CORIN: variants seen among roughly 807,000 people sequenced by gnomAD.
The protein encoded by CORIN is corin, serine peptidase, also known as atrial natriuretic peptide-converting enzyme.
Under a neutral mutation model 125.3 loss-of-function variants are expected in CORIN, and 117 were observed. The ratio of observed to expected loss-of-function variants is 0.93; its 90% CI spans 0.80 to 1.09. The LOEUF (loss-of-function observed/expected upper bound fraction) is 1.09. Ranked by LOEUF, CORIN falls within the 50% of genes least tolerant of loss-of-function variation. The pLI, the probability that CORIN is intolerant of heterozygous loss-of-function variation, is 0.00. For synonymous variants in CORIN, 450 were observed against 466.4 expected (o/e 0.96, Z 0.45); for missense variants, 1,253 against 1,306.7 (o/e 0.96, Z 0.63).
chr4:47,752,557 A>G (rs1728949844), intron 4 of CORIN, among the ~76,000 whole-genome samples: 1 of 152,168 alleles, frequency 6.6e-6, no homozygotes, highest in African/African-American at 2.4e-5. Context: ...TACATGCACT[A>G]TTCAACATTT....
At chr4:47,802,526 C>A (rs1731589582) in intron 2 of CORIN, among the ~76,000 whole-genome samples, 1 of 152,104 alleles carries the variant, frequency 6.6e-6, no homozygotes, top group Admixed American at 6.5e-5. Context: ...GACTCCTTGG[C>A]CAATGGAAAT....
intron 12 of CORIN, among the ~76,000 whole-genome samples, chr4:47,657,209 T>C (rs1724024762): frequency 1.3e-5 from 2 of 152,100 alleles, no homozygotes; most frequent in Admixed American, 1.3e-4. Context: ...ATATTATGTG[T>C]ATTAGGCCAT....
intron 16 of CORIN, among the ~76,000 whole-genome samples, chr4:47,640,074 G>A (rs1723177040): frequency 6.6e-6 from 1 of 152,052 alleles, no homozygotes; most frequent in African/African-American, 2.4e-5. Context: ...TAGTCCTTCT[G>A]TGAAATAAAA....
intron 5 of CORIN, among the ~76,000 whole-genome samples, chr4:47,740,231 C>T (rs1228859305): frequency 6.6e-6 from 1 of 151,818 alleles, no homozygotes; most frequent in African/African-American, 2.4e-5. Context: ...TTTTTAGGTG[C>T]CTATGTGTTT....
At chr4:47,729,563 T>C (rs929054061) in intron 5 of CORIN, among the ~76,000 whole-genome samples, 4 of 152,088 alleles carry the variant, frequency 2.6e-5, no homozygotes, top group Admixed American at 2.0e-4. Context: ...CCAGATAATG[T>C]AGAGTGGGAT....
At chr4:47,764,645 A>T (rs1729624493) in intron 3 of CORIN, among the ~76,000 whole-genome samples, 1 of 152,220 alleles carries the variant, frequency 6.6e-6, no homozygotes, top group Admixed American at 6.5e-5. Context: ...CATAGCCATT[A>T]TGTAGAAATT....
chr4:47,684,002 T>C (rs1725404598), intron 6 of CORIN, among the ~76,000 whole-genome samples, 164 bp from the exon 7 acceptor site: 1 of 152,238 alleles, frequency 6.6e-6, no homozygotes, highest in Non-Finnish European at 1.5e-5. Context: ...TACAACGACC[T>C]GTTCAAGGCC....
At chr4:47,606,935 C>T (rs1472675784) in intron 19 of CORIN, among the ~76,000 whole-genome samples, 3 of 152,144 alleles carry the variant, frequency 2.0e-5, no homozygotes, top group Non-Finnish European at 2.9e-5. Context: ...CCTTGAATAG[C>T]GTTACTAAGT....
At chr4:47,750,009 C>G (rs545365903) in intron 4 of CORIN, among the ~76,000 whole-genome samples, 1 of 152,300 alleles carries the variant, frequency 6.6e-6, no homozygotes, top group Admixed American at 6.5e-5. Context: ...TCCAGTGCTC[C>G]CAAATATCTT....
intron 1 of CORIN, among the ~76,000 whole-genome samples, chr4:47,832,293 C>T (rs957200235): frequency 1.3e-5 from 2 of 152,152 alleles, no homozygotes; most frequent in African/African-American, 4.8e-5. Context: ...TGGCCATTTA[C>T]TATTCAACAA....
At chr4:47,598,321 T>C (rs1338590221) in intron 21 of CORIN, among the ~76,000 whole-genome samples, 3 of 152,150 alleles carry the variant, frequency 2.0e-5, no homozygotes, top group African/African-American at 7.2e-5. Context: ...GTAGGTTTTG[T>C]TTGGTTTTCT....
chr4:47,630,374 T>C (rs1338437180), intron 16 of CORIN, among the ~76,000 whole-genome samples: 1 of 152,214 alleles, frequency 6.6e-6, no homozygotes, highest in African/African-American at 2.4e-5. Context: ...CAAATTTTGT[T>C]TGATGATTGG....
chr4:47,696,285 T>C (rs1180170668), intron 5 of CORIN, among the ~76,000 whole-genome samples: 4 of 152,194 alleles, frequency 2.6e-5, no homozygotes, highest in Non-Finnish European at 5.9e-5. Context: ...TGAGAAGTCA[T>C]GCTATACAAT....
At chr4:47,756,893 C>T (rs1034810362) in intron 4 of CORIN, among the ~76,000 whole-genome samples, 3 of 152,244 alleles carry the variant, frequency 2.0e-5, no homozygotes, top group Non-Finnish European at 4.4e-5. Context: ...TTATTAAAAG[C>T]AGACACAGTC....
chr4:47,760,125 T>C (rs761419908), intron 4 of CORIN, among the ~76,000 whole-genome samples: 16 of 152,220 alleles, frequency 1.1e-4, no homozygotes, highest in Non-Finnish European at 1.8e-4. Context: ...TACAGCCTTA[T>C]GAAATGTATT....
At chr4:47,790,285 C>A (rs1320186430) in intron 2 of CORIN, 3 of 682,922 alleles carry the variant, frequency 4.4e-6, no homozygotes, top group Non-Finnish European at 5.4e-6. Context: ...GAACCCCCGA[C>A]TGGCCTGCGC....
intron 5 of CORIN, among the ~76,000 whole-genome samples, chr4:47,715,055 A>AGAATT (rs1232837570): frequency 2.0e-5 from 3 of 152,254 alleles, no homozygotes; most frequent in African/African-American, 4.8e-5. Flanking sequence ...GGAGACTCAA[A>AGAATT]GAATTGGAAT....
intron 6 of CORIN, among the ~76,000 whole-genome samples, chr4:47,684,206 GAAGTCT>G (rs1725414516): frequency 1.3e-5 from 2 of 152,186 alleles, no homozygotes; most frequent in Non-Finnish European, 2.9e-5. Context: ...CTTTAGAGTT[GAAGTCT>G]AGGTTTGTCA....
intron 3 of CORIN, among the ~76,000 whole-genome samples, chr4:47,780,115 C>T (rs1435134583): frequency 6.6e-6 from 1 of 151,720 alleles, no homozygotes. Flanking sequence ...TAGAATTAAG[C>T]TATTGCCTTG....
Sources: allele counts gnomAD v4.1 joint callset (sites outside exome capture counted in the v4.1 genomes callset), GRCh38; gene constraint gnomAD v4.1.1; transcripts MANE v1.5; gene names NCBI Gene and HGNC (gene_info 2026-07-23, HGNC 2026-07-21).